The following OR10H1 variants were observed in gnomAD, a reference collection of about 807,000 sequenced individuals.
OR10H1 encodes the protein olfactory receptor family 10 subfamily H member 1.
OR10H1 carries 12 observed loss-of-function variants against 13.1 expected under a neutral mutation model. The observed-to-expected ratio is 0.92, with a 90% CI of 0.59 to 1.48. The LOEUF is 1.48. OR10H1 is among the 40% of genes most tolerant of loss of function. The pLI is 0.00. For synonymous variants in OR10H1, 168 were observed against 175.6 expected (o/e 0.96, Z 0.34); for missense variants, 363 against 413.1 (o/e 0.88, Z 1.05).
chr19:15,811,392 G>A (rs1048188573), intron 2 of OR10H1, among the ~76,000 whole-genome samples: 2 of 152,118 alleles, frequency 1.3e-5, no homozygotes, highest in Non-Finnish European at 2.9e-5. Flanking sequence ...TTAGGGCCAG[G>A]TCATTCTTTC....
rs2088888653 is a variant in OR10H1, at chr19:15,805,182, C to G, written c.*1899G>C. ...TCCCATTCTGTAGGTTGCCTGTTCA[C>G]TCTGATGGTAGTTTCTTTTGCTGTG... is the stretch of plus-strand genomic sequence containing the variant. On this transcript the variant is annotated 3_prime_UTR_variant, in exon 4 of 4. Transcript: ENST00000641419. 6.6e-6 allele frequency: 1 copy of G among 151,988 alleles called. No individual in the cohort carries two copies. Among genetic ancestry groups the G allele is most frequent in the South Asian group, 2.1e-4 (1 of 4,818 alleles). The allele number at this position is 151,988 out of a possible 1,614,324, so 9.4% of individuals were successfully genotyped here.
intron 1 of OR10H1, among the ~76,000 whole-genome samples, chr19:15,814,924 G>A (rs973565109): frequency 1.8e-4 from 27 of 152,134 alleles, no homozygotes; most frequent in African/African-American, 6.0e-4. Flanking sequence ...TGGACAGACC[G>A]AGAAGAGAGG....
At position 15,807,613 on chromosome 19, in the gene OR10H1, G is replaced by C. The variant is rs1409280848; in HGVS notation, c.425C>G (p.Ala142Gly). The C allele has an allele frequency of 6.2e-7, 1 of 1,614,212 alleles. No individual in the cohort carries two copies. The highest frequency in any genetic ancestry group is 1.7e-5 in the Admixed American group (1 of 60,022). The part of the protein sequence containing the change: ...YNVLMSPRGC[A>G]CLVGCSWAGG... ...AGCCCAGGAGCAGCCCACCAGGCAG[G>C]CGCAGCCCCGCGGGCTCATGAGCAC... The change falls in exon 4 of 4, where the codon GCC becomes GGC. Residue 142 changes from alanine (A) to glycine (G), a missense_variant. Ala to Gly is a moderately conservative substitution (Grantham distance 60, BLOSUM62 0). This residue lies in a region of OR10H1 where 318 missense variants were observed against 366.6 expected (regional missense o/e 0.87). Transcript: ENST00000641419.
chr19:15,810,974 C>A (rs2088929757), intron 2 of OR10H1, among the ~76,000 whole-genome samples: 1 of 151,834 alleles, frequency 6.6e-6, no homozygotes, highest in Non-Finnish European at 1.5e-5. Flanking sequence ...ATAAAAAGAT[C>A]ATTTTAGAAA....
Position 15,814,470 on chromosome 19 carries a change from TGTGTGTGTGTGAGAGA to T in OR10H1, c.-778+1069_-778+1084del, listed in dbSNP as rs1256912732. On this transcript the variant is annotated intron_variant, in intron 1 of 3. Coordinates refer to ENST00000641419, the MANE Select transcript of OR10H1 (RefSeq NM_013940.4). ...TTGTGTGTGTGTGTGTGTGTGTGTGTGTGTGTGTGTGAGAGAGAGAGAGAGAGAGAGAGAGAGAGAG... is the reference window on the plus strand; with the variant it reads ...TTGTGTGTGTGTGTGTGTGTGTGTGTGAGAGAGAGAGAGAGAGAGAGAGAG... 4.9e-3 allele frequency among the ~76,000 whole-genome samples: 266 copies of T among 54,442 alleles called. 1 individual carries two copies. The highest frequency in any genetic ancestry group is 0.012 in the Admixed American group (68 of 5,570). 35.7% of individuals were successfully genotyped at this position (54,442 alleles called of 152,430 possible). A position where few individuals can be genotyped will look rare whatever the true frequency, so the allele number is the denominator to read the frequency against.
intron 2 of OR10H1, among the ~76,000 whole-genome samples, chr19:15,809,183 T>C (rs751066795): frequency 9.9e-5 from 15 of 152,152 alleles, no homozygotes; most frequent in Non-Finnish European, 1.8e-4. Flanking sequence ...GGCAATGAAA[T>C]GTAGCCATCA....
chr19:15,810,605 TGCAATGA>T (rs1368706391), intron 2 of OR10H1, among the ~76,000 whole-genome samples: 1 of 152,022 alleles, frequency 6.6e-6, no homozygotes, highest in African/African-American at 2.4e-5. Context: ...TGAACAATGC[TGCAATGA>T]AAATGCTTGT....
Position 15,804,818 on chromosome 19 carries a change from A to G in OR10H1, c.*2263T>C, listed in dbSNP as rs2088886426. 1 of 152,246 alleles carries G rather than the reference A, an allele frequency of 6.6e-6. No individual in the cohort carries two copies. The highest frequency in any genetic ancestry group is 1.5e-5 in the Non-Finnish European group (1 of 68,054). The allele number at this position is 152,246 out of a possible 1,614,324, so 9.4% of individuals were successfully genotyped here. A position where few individuals can be genotyped will look rare whatever the true frequency, so the allele number is the denominator to read the frequency against. ...GCCACACTGACTCCCACAATGGGGAACTAGTTTACAGTCCCACCAACAGTG... is the reference window on the plus strand; with the variant it reads ...GCCACACTGACTCCCACAATGGGGAGCTAGTTTACAGTCCCACCAACAGTG... On this transcript the variant is annotated 3_prime_UTR_variant, in exon 4 of 4. Transcript: ENST00000641419.
chr19:15,807,673 C>T lies in OR10H1; in HGVS notation c.365G>A (p.Arg122His), dbSNP rs61746482. 2,137 of 1,613,986 alleles carry T rather than the reference C, an allele frequency of 1.3e-3. 19 individuals are homozygous for T. The African/African-American group carries it at 0.024, about 18-fold the overall frequency. ...SFLLTVMGYD[R>H]YVAICHPLRY... ...CAGGGGGTGGCAGATGGCCACGTAG[C>T]GGTCGTAGCCCATGACGGTGAGCAG... The change falls in exon 4 of 4, where the codon CGC becomes CAC. Residue 122 changes from arginine (R) to histidine (H), a missense_variant. Around this residue, in one of 3 missense-constraint regions of OR10H1, gnomAD observed 318 missense variants for 366.6 expected, o/e 0.87. Coordinates refer to ENST00000641419, the MANE Select transcript of OR10H1 (RefSeq NM_013940.4).
At chr19:15,810,032 C>T (rs1311652459) in intron 2 of OR10H1, among the ~76,000 whole-genome samples, 2 of 152,084 alleles carry the variant, frequency 1.3e-5, no homozygotes, top group East Asian at 1.9e-4. Flanking sequence ...CAGTGGCTCA[C>T]GCCTATAATC....
chr19:15,813,666 T>A (rs879350838), intron 1 of OR10H1, among the ~76,000 whole-genome samples: 371 of 39,832 alleles, frequency 9.3e-3, no homozygotes, highest in Middle Eastern at 0.018. Context: ...AGATAGAGAG[T>A]GGGAGGTGGG....
At position 15,808,751 on chromosome 19, in the gene OR10H1, G is replaced by C. The variant is rs1048303991; in HGVS notation, c.-38C>G. ...TGTAGTCCCAGCTCTTCGGGAGGCAGAGACAGGAGAATCTCTTGAACCTGG... is the reference window on the plus strand; with the variant it reads ...TGTAGTCCCAGCTCTTCGGGAGGCACAGACAGGAGAATCTCTTGAACCTGG... On this transcript the variant is annotated 5_prime_UTR_variant, in exon 3 of 4. Transcript: ENST00000641419. 2 of 152,118 alleles carry C rather than the reference G, an allele frequency of 1.3e-5. No homozygotes were observed. Among genetic ancestry groups the C allele is most frequent in the Non-Finnish European group, 2.9e-5 (2 of 68,068 alleles). 9.4% of individuals were successfully genotyped at this position (152,118 alleles called of 1,614,324 possible).
rs1491352139 is a variant in OR10H1, at chr19:15,810,311, AAG to A, written c.-128-1472_-128-1471del. On this transcript the variant is annotated intron_variant, in intron 2 of 3. Coordinates refer to ENST00000641419, the MANE Select transcript of OR10H1 (RefSeq NM_013940.4). ...TCCTTCTCAAAAAAAAAAAAAAAAA[AAG>A]GAGTAAACTACCACTCTGCTTTCTG... Among the ~76,000 whole-genome samples, 1,211 of 150,300 alleles carry A rather than the reference AAG, an allele frequency of 8.1e-3. 15 individuals are homozygous for A. The highest frequency in any genetic ancestry group is 0.028 in the African/African-American group (1,125 of 40,616).
rs2088936390 is a variant in OR10H1 at position 15,812,300 on chromosome 19, T to C, written c.-199A>G. 1 of 151,864 alleles carries C rather than the reference T, an allele frequency of 6.6e-6. No individual in the cohort carries two copies. The highest frequency in any genetic ancestry group is 2.1e-4 in the South Asian group (1 of 4,818). The allele number at this position is 151,864 out of a possible 1,614,324, so 9.4% of individuals were successfully genotyped here. The stretch of plus-strand genomic sequence containing the variant: ...CCCATGACTGACCGTCTACACACTC[T>C]TGTTCATATCAATTCAGATCACAAG... On this transcript the variant is annotated 5_prime_UTR_variant, in exon 2 of 4. Coordinates refer to ENST00000641419, the MANE Select transcript of OR10H1 (RefSeq NM_013940.4).
In OR10H1 at chr19:15,807,656, G is replaced by T. The variant is rs139388455; in HGVS notation, c.382C>A (p.His128Asn). The T allele has an allele frequency of 4.3e-4, 695 of 1,614,120 alleles. 3 individuals carry two copies. In the African/African-American group the frequency reaches 8.3e-3, roughly 19 times the overall value. The change falls in exon 4 of 4, where the codon CAC (histidine) becomes AAC (asparagine). Residue 128 changes from histidine to asparagine, a missense_variant. By Grantham distance (68) the His-to-Asn change is moderately conservative. Transcript: ENST00000641419. The part of the protein sequence containing the change: ...MGYDRYVAIC[H>N]PLRYNVLMSP... Reference sequence around the variant, plus strand: ...ATGAGCACGTTGTAGCGCAGGGGGTGGCAGATGGCCACGTAGCGGTCGTAG... The same window carrying T: ...ATGAGCACGTTGTAGCGCAGGGGGTTGCAGATGGCCACGTAGCGGTCGTAG...
chr19:15,806,823 G>C lies in OR10H1; in HGVS notation c.*258C>G. 1 of 428,058 alleles carries C rather than the reference G, an allele frequency of 2.3e-6. No homozygotes were observed. The highest frequency in any genetic ancestry group is 4.3e-6 in the Non-Finnish European group (1 of 234,796). 26.5% of individuals were successfully genotyped at this position (428,058 alleles called of 1,614,324 possible). ...GCTCACTGCAACCTCCACCTACCGG[G>C]TCAAGCGATTCTTATGCCTCAGCCT... On this transcript the variant is annotated 3_prime_UTR_variant, in exon 4 of 4. Transcript: ENST00000641419.
At chr19:15,814,409 C>T (rs558846176) in intron 1 of OR10H1, among the ~76,000 whole-genome samples, 1 of 151,318 alleles carries the variant, frequency 6.6e-6, no homozygotes, top group African/African-American at 2.4e-5. Context: ...CAGCTCCTAA[C>T]CATTCCCTCA....
In OR10H1 at chr19:15,807,220, G is replaced by T. The variant is rs1297405794; in HGVS notation, c.818C>A (p.Thr273Asn). 1 of 1,614,112 alleles carries T rather than the reference G, an allele frequency of 6.2e-7. No homozygotes were observed. Among genetic ancestry groups the T allele is most frequent in the Admixed American group, 1.7e-5 (1 of 60,010 alleles). Residue 273 changes from threonine to asparagine, a missense_variant, in exon 4 of 4, where the codon ACC becomes AAC. Thr to Asn is a moderately conservative substitution (Grantham distance 65). Coordinates refer to ENST00000641419, the MANE Select transcript of OR10H1 (RefSeq NM_013940.4). ...PKSPQSLEGD[T>N]LMGITYTVLT... ...GACCGTGTAGGTGATGCCCATCAAG[G>T]TGTCTCCTTCCAGAGACTGGGGACT...
At chr19:15,813,506 G>A (rs528740914) in intron 1 of OR10H1, among the ~76,000 whole-genome samples, 2 of 148,192 alleles carry the variant, frequency 1.3e-5, no homozygotes, top group Non-Finnish European at 3.0e-5. Context: ...GAGAGGAGGC[G>A]AGGGAGAAAC....
Sources: allele counts gnomAD v4.1 joint callset (sites outside exome capture counted in the v4.1 genomes callset), GRCh38; gene constraint gnomAD v4.1.1; regional missense constraint gnomAD v4.1.1; transcripts MANE v1.5; gene names NCBI Gene and HGNC (gene_info 2026-07-23, HGNC 2026-07-21).